Variants in DENND1C observed in about 807,000 individuals in gnomAD.
DENND1C encodes the protein DENN domain-containing protein 1C.
Under a neutral mutation model 87.9 loss-of-function variants are expected in DENND1C, and 64 were observed. The ratio of observed to expected loss-of-function variants is 0.73; its 90% CI spans 0.60 to 0.90. The LOEUF (loss-of-function observed/expected upper bound fraction) is 0.90, where lower values mean the gene tolerates loss of function less well. Ranked by LOEUF, DENND1C falls within the 40% of genes least tolerant of loss-of-function variation. The pLI is 0.00. For synonymous variants in DENND1C, 384 were observed against 424.4 expected (o/e 0.90, Z 1.17); for missense variants, 980 against 1,037.0 (o/e 0.95, Z 0.76).
chr19:6,476,141 ACTCATACCGTCCTGATCCCTCT>A, intron 10 of DENND1C: 1 of 574,326 alleles, frequency 1.7e-6, no homozygotes, highest in Non-Finnish European at 3.0e-6. Flanking sequence ...TGAAGCCAGG[ACTCATACCGTCCTGATCCCTCT>A]CTGTAAGGGG....
In DENND1C at chr19:6,475,769, G is replaced by C. The variant is rs369044696; in HGVS notation, c.780-18C>G. The C allele has an allele frequency of 4.5e-6, 7 of 1,546,544 alleles. No individual in the cohort carries two copies. In the African/African-American group the frequency reaches 5.5e-5, roughly 12 times the overall value. ...TGGGCGCGCTGCGGACCGAGGGGACGGGGTCATGCAGGCACCGCCCCCAGG... is the reference window on the plus strand; with the variant it reads ...TGGGCGCGCTGCGGACCGAGGGGACCGGGTCATGCAGGCACCGCCCCCAGG... On this transcript the variant is annotated intron_variant, in intron 11 of 22. Transcript: ENST00000381480.
At position 6,468,637 on chromosome 19, in the gene DENND1C, G is replaced by A; in HGVS notation, c.1524C>T (p.Pro508=). 6.7e-7 allele frequency: 1 copy of A among 1,486,688 alleles called. No individual in the cohort carries two copies. The highest frequency in any genetic ancestry group is 1.4e-5 in the African/African-American group (1 of 70,942). The allele number at this position is 1,486,688 out of a possible 1,614,324, so 92.1% of individuals were successfully genotyped here. A position where few individuals can be genotyped will look rare whatever the true frequency, so the allele number is the denominator to read the frequency against. The change falls in exon 21 of 23, where the codon CCC becomes CCT. Residue 508 remains proline, a synonymous_variant. Coordinates refer to ENST00000381480, the MANE Select transcript of DENND1C (RefSeq NM_024898.4). The stretch of plus-strand genomic sequence containing the variant: ...GCTGGCGTCTCCTGCTGGGGCGAAG[G>A]GGCCGGTTCTGCAAAGGGTGGGGGC... ...PITQHFGKNR[P]LRPSRRRQLE... is the part of the protein sequence containing the mutation.
At position 6,468,562 on chromosome 19, in the gene DENND1C, T is replaced by G; in HGVS notation, c.1583+16A>C. On this transcript the variant is annotated intron_variant, in intron 21 of 22. Coordinates refer to ENST00000381480, the MANE Select transcript of DENND1C (RefSeq NM_024898.4). ...GGCCTCCCACTTTCAACACTGCTGT[T>G]CCCTTTTTGCCTTACCCCGCCCCTG... 1 of 1,551,322 alleles carries G rather than the reference T, an allele frequency of 6.4e-7. No homozygotes were observed. Among genetic ancestry groups the G allele is most frequent in the South Asian group, 1.2e-5 (1 of 82,240 alleles).
chr19:6,475,779 A>G (rs889635779), intron 11 of DENND1C, 28 bp from the exon 12 acceptor site: 2 of 1,535,930 alleles, frequency 1.3e-6, no homozygotes, highest in African/African-American at 1.4e-5. Flanking sequence ...GGGGTCATGC[A>G]GGCACCGCCC....
chr19:6,473,445 G>A (rs1175228335), intron 14 of DENND1C, among the ~76,000 whole-genome samples: 2 of 133,916 alleles, frequency 1.5e-5, no homozygotes, highest in Admixed American at 7.9e-5. Context: ...GAGCCACCGC[G>A]CCCAGCCCTG....
At chr19:6,480,700 G>C (rs1913517773) in intron 1 of DENND1C, among the ~76,000 whole-genome samples, 1 of 151,898 alleles carries the variant, frequency 6.6e-6, no homozygotes, top group Non-Finnish European at 1.5e-5. Flanking sequence ...CCACCCCACA[G>C]GTTCAAGCGA....
chr19:6,468,184 C>T, intron 22 of DENND1C, 50 bp downstream of exon 22: 1 of 1,611,944 alleles, frequency 6.2e-7, no homozygotes, highest in Non-Finnish European at 8.5e-7. Context: ...TTGGATGGAC[C>T]ATTAGGGGAA....
chr19:6,468,722 G>A, intron 20 of DENND1C, 77 bp from the exon 21 acceptor site: 1 of 1,372,414 alleles, frequency 7.3e-7, no homozygotes, highest in Non-Finnish European at 9.7e-7. Context: ...AAGGGTGAGT[G>A]TGAAGTGGGT....
intron 17 of DENND1C, 115 bp from the exon 18 acceptor site, chr19:6,470,481 C>T: frequency 9.8e-7 from 1 of 1,025,174 alleles, no homozygotes; most frequent in Non-Finnish European, 1.5e-6. Flanking sequence ...ATTTTTTCAC[C>T]TCTATAAATG....
In DENND1C at chr19:6,477,246, G is replaced by C. The variant is rs766117647; in HGVS notation, c.485C>G (p.Pro162Arg). ...CTTGCTATTCCCCCGGGTAGGGGGG[G>C]GGATACCCTGCCCGCTGGAGACCGT... ...GVTVSSGQGI[P>R]PPTRGNSKPL... Residue 162 changes from proline to arginine, a missense_variant, in exon 8 of 23, where the codon CCC (proline) becomes CGC (arginine). By Grantham distance (103) the Pro-to-Arg change is moderately radical. Transcript: ENST00000381480. 3.7e-5 allele frequency: 58 copies of C among 1,583,032 alleles called. No individual in the cohort carries two copies. Among genetic ancestry groups the C allele is most frequent in the Non-Finnish European group, 4.5e-5 (52 of 1,162,992 alleles).
In DENND1C at chr19:6,475,945, G is replaced by T. The variant is rs759032905; in HGVS notation, c.679-8C>A. The T allele has an allele frequency of 3.2e-6, 5 of 1,551,616 alleles. No homozygotes were observed. Among genetic ancestry groups the T allele is most frequent in the Non-Finnish European group, 4.3e-6 (5 of 1,158,674 alleles). Reference sequence around the variant, plus strand: ...GTGGACGCACGAGGTCAGCTGGGGAGCGATGGCGGGGCGTGGAGTCAGGGC... The same window carrying T: ...GTGGACGCACGAGGTCAGCTGGGGATCGATGGCGGGGCGTGGAGTCAGGGC... On this transcript the variant is annotated splice_polypyrimidine_tract_variant and splice_region_variant and intron_variant, in intron 10 of 22. Transcript: ENST00000381480.
Position 6,475,366 on chromosome 19 carries a change from C to A in DENND1C, c.961G>T (p.Ala321Ser), listed in dbSNP as rs1317374921. The A allele has an allele frequency of 6.2e-7, 1 of 1,611,992 alleles. No individual in the cohort carries two copies. The change falls in exon 14 of 23, where the codon GCC (alanine) becomes TCC (serine). Residue 321 changes from alanine (A) to serine (S), a missense_variant. Coordinates refer to ENST00000381480, the MANE Select transcript of DENND1C (RefSeq NM_024898.4). ...GACACCCCTTCCCCGGGGGCCAGGGCGACCTTCCTGAGCCGGAGCCTCAGC... is the reference window on the plus strand; with the variant it reads ...GACACCCCTTCCCCGGGGGCCAGGGAGACCTTCCTGAGCCGGAGCCTCAGC... ...SLLRLRLRKV[A>S]LAPGEGVSRL...
rs976604667 is a variant in DENND1C, at chr19:6,481,746, G to A, written c.-51C>T. On this transcript the variant is annotated 5_prime_UTR_variant, in exon 1 of 23. Coordinates refer to ENST00000381480, the MANE Select transcript of DENND1C (RefSeq NM_024898.4). ...GGCCCTCTCCCCAGGGGTCCTGGGG[G>A]CCTGTGTATGCTGGGCCCCAAGCCG... 1.3e-5 allele frequency: 20 copies of A among 1,506,336 alleles called. No homozygotes were observed. In the African/African-American group the frequency reaches 2.4e-4, roughly 18 times the overall value. The allele number at this position is 1,506,336 out of a possible 1,614,324, so 93.3% of individuals were successfully genotyped here.
chr19:6,471,389 C>T lies in DENND1C; in HGVS notation c.1249+17G>A, dbSNP rs1021313932. The T allele has an allele frequency of 1.3e-6, 2 of 1,583,510 alleles. No individual in the cohort carries two copies. Among genetic ancestry groups the T allele is most frequent in the Non-Finnish European group, 1.7e-6 (2 of 1,165,140 alleles). On this transcript the variant is annotated intron_variant, in intron 16 of 22. Transcript: ENST00000381480. ...TGGCGGGTAGTGGGGGACCCAGGGGCTGGACTCAGGGCTCACCTGAGGAGG... is the reference window on the plus strand; with the variant it reads ...TGGCGGGTAGTGGGGGACCCAGGGGTTGGACTCAGGGCTCACCTGAGGAGG...
chr19:6,468,114 T>C lies in DENND1C; in HGVS notation c.1796A>G (p.Asn599Ser), dbSNP rs1203529761. Reference protein sequence around the residue: ...GDLDSCFSLPNIPRWQPDDKK... With the variant: ...GDLDSCFSLPSIPRWQPDDKK... ...ATCGTCTGGTTGCCATCTTGGTATG[T>C]TGGGCTAGGTGAGATGGATAGGGAA... Residue 599 changes from asparagine (N) to serine (S), a missense_variant, in exon 23 of 23, where the codon AAC (asparagine) becomes AGC (serine). Physicochemically the swap from Asn to Ser is conservative, Grantham distance 46. Coordinates refer to ENST00000381480, the MANE Select transcript of DENND1C (RefSeq NM_024898.4). 1.2e-6 allele frequency: 2 copies of C among 1,613,290 alleles called. No homozygotes were observed. Among genetic ancestry groups the C allele is most frequent in the South Asian group, 1.1e-5 (1 of 91,048 alleles).
In DENND1C at chr19:6,477,580, T is replaced by A. The variant is rs2092870120; in HGVS notation, c.367-122A>T. On this transcript the variant is annotated intron_variant, in intron 6 of 22. Transcript: ENST00000381480. ...AAGGGCTCAGGTCAGTCCTGGGAGT[T>A]TTTTTTTTTCTTTCTTTAAAAGAAA... The A allele has an allele frequency of 3.1e-5, 13 of 425,046 alleles. No individual in the cohort carries two copies. The East Asian group carries it at 4.8e-4, about 16-fold the overall frequency. 26.3% of individuals were successfully genotyped at this position (425,046 alleles called of 1,614,324 possible). A position where few individuals can be genotyped will look rare whatever the true frequency, so the allele number is the denominator to read the frequency against.
chr19:6,473,345 G>T (rs367642790), intron 14 of DENND1C, among the ~76,000 whole-genome samples: 5 of 152,042 alleles, frequency 3.3e-5, no homozygotes, highest in African/African-American at 1.2e-4. Context: ...AGTAGAGACT[G>T]GGTTTCACCA....
At position 6,477,332 on chromosome 19, in the gene DENND1C, TC is replaced by T. The variant is rs1200884407; in HGVS notation, c.447+45del. 1.9e-6 allele frequency: 3 copies of T among 1,609,086 alleles called. No homozygotes were observed. The African/African-American group carries it at 4.0e-5, about 22-fold the overall frequency. On this transcript the variant is annotated intron_variant, in intron 7 of 22. Coordinates refer to ENST00000381480, the MANE Select transcript of DENND1C (RefSeq NM_024898.4). ...GGTCATGATGGCTGGGACGCAGCCT[TC>T]CCATCCACCTAAGGTCCAGCGCCCA...
intron 18 of DENND1C, chr19:6,469,893 T>C: frequency 1.9e-6 from 1 of 535,396 alleles, no homozygotes; most frequent in South Asian, 2.3e-5. Context: ...AAGGTGTTCC[T>C]GTTTCAAAGC....
Sources: gnomAD v4.1 joint callset for allele counts (sites outside exome capture counted in the v4.1 genomes callset) on GRCh38, gnomAD v4.1.1 for gene constraint, MANE v1.5 for transcripts, NCBI Gene and HGNC (gene_info 2026-07-23, HGNC 2026-07-21) for gene names.